Variants in FSTL5 observed in about 807,000 individuals in gnomAD.
FSTL5 encodes follistatin like 5.
Under a neutral mutation model 89.1 loss-of-function variants are expected in FSTL5, and 62 were observed. The ratio of observed to expected loss-of-function variants is 0.70; its 90% CI spans 0.57 to 0.86. FSTL5 has a LOEUF of 0.86. Among genes scored for constraint, FSTL5 ranks in the 40% least tolerant of loss-of-function variants. The pLI, the probability that FSTL5 is intolerant of heterozygous loss-of-function variation, is 0.00. For synonymous variants in FSTL5, 383 were observed against 346.2 expected, an observed-to-expected ratio of 1.11 and a Z score of -1.18; for missense variants, 1,057 against 1,001.6, an observed-to-expected ratio of 1.06 and a Z score of -0.75.
intron 6 of FSTL5, among the ~76,000 whole-genome samples, chr4:161,666,885 T>C (rs12649283): frequency 0.35 from 53,207 of 151,938 alleles, 9,597 homozygotes; most frequent in Middle Eastern, 0.52. Context: ...TTTCTTCCTA[T>C]GCTGTTAGTG....
intron 7 of FSTL5, among the ~76,000 whole-genome samples, chr4:161,595,251 T>C (rs1010929078): frequency 1.3e-5 from 2 of 152,080 alleles, no homozygotes; most frequent in African/African-American, 4.8e-5. Context: ...AACAAATGTA[T>C]GATGTTGAGG....
intron 10 of FSTL5, among the ~76,000 whole-genome samples, chr4:161,514,354 A>G (rs1264113907): frequency 6.6e-6 from 1 of 152,114 alleles, no homozygotes; most frequent in Non-Finnish European, 1.5e-5. Context: ...AGTATCCTAA[A>G]TGAAATAACC....
At chr4:161,635,924 T>C (rs1450334904) in intron 7 of FSTL5, among the ~76,000 whole-genome samples, 2 of 152,186 alleles carry the variant, frequency 1.3e-5, no homozygotes. Context: ...CTAATACAAC[T>C]TTGATTTCAC....
intron 6 of FSTL5, among the ~76,000 whole-genome samples, chr4:161,709,071 G>T (rs1738686212): frequency 6.6e-6 from 1 of 152,078 alleles, no homozygotes; most frequent in Admixed American, 6.6e-5. Flanking sequence ...CTCTAACATG[G>T]CTTGAATAAT....
intron 7 of FSTL5, among the ~76,000 whole-genome samples, chr4:161,602,202 G>A (rs1252898287): frequency 1.3e-5 from 2 of 150,140 alleles, no homozygotes; most frequent in South Asian, 4.2e-4. Flanking sequence ...AAGCGTGTGC[G>A]CACGCATGCA....
intron 8 of FSTL5, among the ~76,000 whole-genome samples, chr4:161,569,964 T>C (rs552021694): frequency 5.9e-5 from 9 of 152,156 alleles, no homozygotes; most frequent in African/African-American, 9.7e-5. Flanking sequence ...AATGGATACG[T>C]CAAAGCTTTC....
At chr4:161,681,243 G>A (rs950509130) in intron 6 of FSTL5, among the ~76,000 whole-genome samples, 1 of 151,992 alleles carries the variant, frequency 6.6e-6, no homozygotes, top group African/African-American at 2.4e-5. Context: ...ATCACCATTG[G>A]TTTTTGTTTT....
chr4:161,896,818 T>C (rs1283610222), intron 4 of FSTL5, among the ~76,000 whole-genome samples: 1 of 152,184 alleles, frequency 6.6e-6, no homozygotes. Flanking sequence ...ATCCTACATT[T>C]TTAATTCCCT....
chr4:161,849,711 G>A (rs923231633), intron 4 of FSTL5, among the ~76,000 whole-genome samples: 7 of 152,002 alleles, frequency 4.6e-5, no homozygotes, highest in African/African-American at 1.7e-4. Context: ...TCCAAGTAGA[G>A]ACTGAATATG....
At chr4:161,403,197 A>G (rs1036215213) in intron 15 of FSTL5, among the ~76,000 whole-genome samples, 1 of 152,176 alleles carries the variant, frequency 6.6e-6, no homozygotes, top group African/African-American at 2.4e-5. Flanking sequence ...CTTGAACACC[A>G]TAAAAATCAC....
chr4:161,776,552 T>C (rs1331567948), intron 4 of FSTL5, among the ~76,000 whole-genome samples: 1 of 100,090 alleles, frequency 1.0e-5, no homozygotes, highest in African/African-American at 1.1e-4. Flanking sequence ...CATATACGTA[T>C]GTATATATGT....
intron 13 of FSTL5, among the ~76,000 whole-genome samples, chr4:161,463,476 T>C (rs1222490017): frequency 6.6e-6 from 1 of 152,216 alleles, no homozygotes; most frequent in African/African-American, 2.4e-5. Flanking sequence ...ATATTAATGA[T>C]AAAAATATTT....
chr4:161,920,435 G>A lies in FSTL5; in HGVS notation c.378C>T (p.Thr126=). 6.2e-7 allele frequency: 1 copy of A among 1,613,908 alleles called. No homozygotes were observed. The highest frequency in any genetic ancestry group is 8.5e-7 in the Non-Finnish European group (1 of 1,179,908). Reference sequence around the variant, plus strand: ...AGAAGCAGTCTTCATTGTGAACAATGGTAATCTTTTGTTTTTTCAGGCAAG... The same window carrying A: ...AGAAGCAGTCTTCATTGTGAACAATAGTAATCTTTTGTTTTTTCAGGCAAG... ...RAACLKKQKI[T]IVHNEDCFFK... The change falls in exon 4 of 16, where the codon ACC becomes ACT. Residue 126 remains threonine (T), a synonymous_variant. Coordinates refer to ENST00000306100, the MANE Select transcript of FSTL5 (RefSeq NM_020116.5).
intron 15 of FSTL5, among the ~76,000 whole-genome samples, chr4:161,429,208 C>G (rs1000512029): frequency 1.3e-5 from 2 of 152,028 alleles, no homozygotes; most frequent in African/African-American, 4.8e-5. Context: ...AATAGGGCAC[C>G]AAGCAGATTC....
intron 4 of FSTL5, among the ~76,000 whole-genome samples, chr4:161,893,695 C>T (rs2110763279): frequency 6.6e-6 from 1 of 152,228 alleles, no homozygotes; most frequent in African/African-American, 2.4e-5. Flanking sequence ...AGGGCAATTC[C>T]TAAATAGCTA....
At chr4:161,405,506 C>T (rs1267405484) in intron 15 of FSTL5, among the ~76,000 whole-genome samples, 1 of 152,034 alleles carries the variant, frequency 6.6e-6, no homozygotes, top group Non-Finnish European at 1.5e-5. Flanking sequence ...AATGAAATTA[C>T]TCTGAAGACC....
intron 1 of FSTL5, among the ~76,000 whole-genome samples, chr4:162,134,929 T>C (rs1363627369): frequency 6.6e-6 from 1 of 152,242 alleles, no homozygotes; most frequent in Non-Finnish European, 1.5e-5. Context: ...ATGAACATAA[T>C]CATGTCAGCT....
intron 4 of FSTL5, among the ~76,000 whole-genome samples, chr4:161,787,555 G>T (rs1230744864): frequency 6.6e-6 from 1 of 152,140 alleles, no homozygotes; most frequent in Non-Finnish European, 1.5e-5. Context: ...AGATGCTAAA[G>T]TCTACTTCTT....
intron 7 of FSTL5, among the ~76,000 whole-genome samples, chr4:161,616,381 A>C (rs1734868720): frequency 1.3e-5 from 2 of 152,284 alleles, no homozygotes; most frequent in Admixed American, 6.5e-5. Context: ...AGATTGGCTT[A>C]GTCTTCCAGC....
Sources: allele counts gnomAD v4.1 joint callset (sites outside exome capture counted in the v4.1 genomes callset), GRCh38; gene constraint gnomAD v4.1.1; transcripts MANE v1.5; gene names NCBI Gene and HGNC (gene_info 2026-07-23, HGNC 2026-07-21).